Variants in GRAMD1B observed in about 807,000 individuals in gnomAD.
GRAMD1B encodes protein Aster-B.
Under a neutral mutation model 99.7 loss-of-function variants are expected in GRAMD1B, and 37 were observed. The observed-to-expected ratio is 0.37, with a 90% CI of 0.29 to 0.49. The LOEUF (loss-of-function observed/expected upper bound fraction) is 0.49, where lower values mean the gene tolerates loss of function less well. GRAMD1B is among the 20% of genes least tolerant of loss of function. The probability of loss-of-function intolerance (pLI) is 0.98; values close to 1 mark genes in which losing one functional copy is unlikely to be tolerated. For synonymous variants in GRAMD1B, 427 were observed against 387.6 expected (o/e 1.10, Z -1.19); for missense variants, 888 against 1,009.2 (o/e 0.88, Z 1.63).
chr11:123,536,789 T>A (rs1944010237), intron 2 of GRAMD1B, among the ~76,000 whole-genome samples: 1 of 152,140 alleles, frequency 6.6e-6, no homozygotes, highest in African/African-American at 2.4e-5. Context: ...CCCAGTCATG[T>A]GTTTTGGTCT....
intron 2 of GRAMD1B, among the ~76,000 whole-genome samples, chr11:123,535,445 T>G (rs1439949657): frequency 6.6e-6 from 1 of 152,174 alleles, no homozygotes; most frequent in East Asian, 1.9e-4. Flanking sequence ...CACTCCTTGA[T>G]GAGTGAAATG....
chr11:123,621,643 C>A (rs977249040), intron 19 of GRAMD1B, among the ~76,000 whole-genome samples: 1 of 152,176 alleles, frequency 6.6e-6, no homozygotes, highest in African/African-American at 2.4e-5. Context: ...GGCAAGAGCA[C>A]AAAGATTCCT....
At chr11:123,376,159 A>G (rs1946685220) in intron 1 of GRAMD1B, among the ~76,000 whole-genome samples, 1 of 152,202 alleles carries the variant, frequency 6.6e-6, no homozygotes, top group African/African-American at 2.4e-5. Flanking sequence ...ACTTGAAAAA[A>G]AAATCAAAGC....
At chr11:123,465,168 G>A (rs1950603686) in intron 1 of GRAMD1B, among the ~76,000 whole-genome samples, 1 of 152,120 alleles carries the variant, frequency 6.6e-6, no homozygotes, top group South Asian at 2.1e-4. Context: ...AAGAGAAAGA[G>A]ACTCTGGATG....
intron 7 of GRAMD1B, among the ~76,000 whole-genome samples, chr11:123,596,450 C>T (rs1326653699): frequency 2.0e-5 from 3 of 152,216 alleles, no homozygotes; most frequent in African/African-American, 7.2e-5. Flanking sequence ...ATCAGCTTAG[C>T]TGATTATCTC....
At chr11:123,549,527 G>A (rs1945408525) in intron 2 of GRAMD1B, among the ~76,000 whole-genome samples, 1 of 151,958 alleles carries the variant, frequency 6.6e-6, no homozygotes, top group South Asian at 2.1e-4. Context: ...AGGCGACAGA[G>A]TGAGACTCAG....
intron 2 of GRAMD1B, among the ~76,000 whole-genome samples, chr11:123,555,601 A>G (rs1273534349): frequency 6.6e-6 from 1 of 152,128 alleles, no homozygotes; most frequent in Non-Finnish European, 1.5e-5. Context: ...CACCTGCCTC[A>G]GCCTTCCAAA....
At chr11:123,475,219 G>A (rs1011151393) in intron 1 of GRAMD1B, among the ~76,000 whole-genome samples, 19 of 152,150 alleles carry the variant, frequency 1.2e-4, no homozygotes, top group African/African-American at 2.2e-4. Flanking sequence ...TGCCCAGCCC[G>A]CATTGCAGAG....
chr11:123,614,676 A>G, intron 16 of GRAMD1B, 69 bp from the exon 17 acceptor site: 1 of 855,732 alleles, frequency 1.2e-6, no homozygotes. Context: ...CTGTTTGACC[A>G]GTGTCCCCAC....
intron 1 of GRAMD1B, among the ~76,000 whole-genome samples, chr11:123,463,661 A>G (rs1360115465): frequency 6.6e-6 from 1 of 152,220 alleles, no homozygotes. Flanking sequence ...TCAGCAGAGA[A>G]AAAAGTCAAT....
At chr11:123,406,360 T>TC (rs1947856869) in intron 1 of GRAMD1B, among the ~76,000 whole-genome samples, 1 of 152,132 alleles carries the variant, frequency 6.6e-6, no homozygotes, top group African/African-American at 2.4e-5. Context: ...TTCAAGTGAT[T>TC]CTCCCGCCTC....
intron 1 of GRAMD1B, among the ~76,000 whole-genome samples, chr11:123,477,709 C>T (rs1472898170): frequency 6.8e-6 from 1 of 146,908 alleles, no homozygotes; most frequent in Non-Finnish European, 1.5e-5. Flanking sequence ...TTCCTTCTCC[C>T]TTCCTTTCCT....
Position 123,599,273 on chromosome 11 carries a change from C to A in GRAMD1B, c.970-1195C>A, listed in dbSNP as rs1271322570. On this transcript the variant is annotated intron_variant, in intron 7 of 19. Transcript: ENST00000635736. ...TTCGTAATCCATCCTTATCATCATA[C>A]AAATCCCTTGGGTTCCCACTGACCT... 6 of 736,938 alleles carry A rather than the reference C, an allele frequency of 8.1e-6. No homozygotes were observed. The African/African-American group carries it at 8.6e-5, about 11-fold the overall frequency. 45.6% of individuals were successfully genotyped at this position (736,938 alleles called of 1,614,324 possible).
At chr11:123,475,770 G>C (rs1026053802) in intron 1 of GRAMD1B, among the ~76,000 whole-genome samples, 3 of 152,220 alleles carry the variant, frequency 2.0e-5, no homozygotes, top group Non-Finnish European at 4.4e-5. Flanking sequence ...AGTGGACGCA[G>C]ACTGGATGTC....
At chr11:123,383,125 T>C (rs1028843897) in intron 1 of GRAMD1B, among the ~76,000 whole-genome samples, 2 of 152,074 alleles carry the variant, frequency 1.3e-5, no homozygotes, top group Non-Finnish European at 2.9e-5. Context: ...TCGGGTAAAA[T>C]CTTACTGTGA....
intron 2 of GRAMD1B, among the ~76,000 whole-genome samples, chr11:123,541,404 C>G (rs761001103): frequency 6.6e-6 from 1 of 152,120 alleles, no homozygotes; most frequent in Admixed American, 6.5e-5. Flanking sequence ...CTCGGTATTT[C>G]CATTCTTTTT....
At chr11:123,542,254 C>G (rs1944608678) in intron 2 of GRAMD1B, among the ~76,000 whole-genome samples, 1 of 152,196 alleles carries the variant, frequency 6.6e-6, no homozygotes, top group East Asian at 1.9e-4. Context: ...ACAGTGATGC[C>G]AGATCCCTGA....
intron 2 of GRAMD1B, among the ~76,000 whole-genome samples, chr11:123,496,634 T>C (rs1939312973): frequency 6.6e-6 from 1 of 151,608 alleles, no homozygotes; most frequent in Admixed American, 6.6e-5. Flanking sequence ...TGCTTCATTG[T>C]TTTTTATTCT....
chr11:123,415,877 ATG>A (rs1288036816), intron 1 of GRAMD1B, among the ~76,000 whole-genome samples: 4 of 152,218 alleles, frequency 2.6e-5, no homozygotes, highest in Non-Finnish European at 5.9e-5. Flanking sequence ...TCTAGGTATC[ATG>A]CACATACACA....
Sources: gnomAD v4.1 joint callset for allele counts (sites outside exome capture counted in the v4.1 genomes callset) on GRCh38, gnomAD v4.1.1 for gene constraint, MANE v1.5 for transcripts, NCBI Gene and HGNC (gene_info 2026-07-23, HGNC 2026-07-21) for gene names.